Variants in ADAMTSL3 observed in about 807,000 individuals in gnomAD.
The protein encoded by ADAMTSL3 is ADAMTS like 3.
A neutral mutation model predicts 201.7 loss-of-function variants in ADAMTSL3; 128 were observed. The ratio of observed to expected loss-of-function variants is 0.63; its 90% CI spans 0.55 to 0.73. The LOEUF is 0.73. ADAMTSL3 is among the 30% of genes least tolerant of loss of function. ADAMTSL3 has a pLI of 0.00. For missense variants in ADAMTSL3, 1,990 were observed against 2,119.6 expected (o/e 0.94, Z 1.20); for synonymous variants, 738 against 748.4 (o/e 0.99, Z 0.23).
intron 3 of ADAMTSL3, among the ~76,000 whole-genome samples, chr15:83,713,211 C>G (rs960652336): frequency 6.6e-6 from 1 of 152,148 alleles, no homozygotes; most frequent in African/African-American, 2.4e-5. Flanking sequence ...TAAAGAAGAT[C>G]GATCAGCCAT....
At chr15:83,693,720 C>T (rs1031748420) in intron 2 of ADAMTSL3, among the ~76,000 whole-genome samples, 4 of 152,198 alleles carry the variant, frequency 2.6e-5, no homozygotes, top group African/African-American at 9.6e-5. Flanking sequence ...ATTTACTTCT[C>T]TATTATGTTT....
intron 4 of ADAMTSL3, among the ~76,000 whole-genome samples, chr15:83,795,525 G>A (rs1047620543): frequency 5.4e-4 from 82 of 152,032 alleles, no homozygotes; most frequent in Admixed American, 2.0e-4. Context: ...CTAAGATAAA[G>A]GCAAGACCCT....
chr15:83,854,423 A>G (rs1271483644), intron 7 of ADAMTSL3, among the ~76,000 whole-genome samples: 1 of 152,210 alleles, frequency 6.6e-6, no homozygotes, highest in African/African-American at 2.4e-5. Context: ...TGGATTGAAC[A>G]TTTGTGGCAG....
intron 2 of ADAMTSL3, among the ~76,000 whole-genome samples, chr15:83,703,646 G>C (rs1045501808): frequency 6.6e-6 from 1 of 152,176 alleles, no homozygotes; most frequent in Non-Finnish European, 1.5e-5. Context: ...CTCCTGCCAT[G>C]ATACTGAGGC....
At chr15:83,809,393 G>A (rs1372640449) in intron 5 of ADAMTSL3, among the ~76,000 whole-genome samples, 1 of 152,138 alleles carries the variant, frequency 6.6e-6, no homozygotes, top group East Asian at 1.9e-4. Context: ...TAGCACCCAA[G>A]CATCCTGTTA....
Position 83,704,442 on chromosome 15 carries a change from T to A in ADAMTSL3, c.123T>A (p.Ser41=), listed in dbSNP as rs751332166. Reference sequence around the variant, plus strand: ...ATTTCCTTCCCGAGTTTGCACTTTCTCCTCAGGGAAGTTTTCTGGAAGACA... The same window carrying A: ...ATTTCCTTCCCGAGTTTGCACTTTCACCTCAGGGAAGTTTTCTGGAAGACA... The part of the protein sequence containing the change: ...GAYFLPEFAL[S]PQGSFLEDTT... The change falls in exon 3 of 30, where the codon TCT becomes TCA. Residue 41 remains serine, a synonymous_variant. Transcript: ENST00000286744. 6.2e-7 allele frequency: 1 copy of A among 1,614,164 alleles called. No homozygotes were observed. Among genetic ancestry groups the A allele is most frequent in the Non-Finnish European group, 8.5e-7 (1 of 1,180,008 alleles).
chr15:83,726,421 C>T (rs1479443846), intron 3 of ADAMTSL3, among the ~76,000 whole-genome samples: 2 of 152,080 alleles, frequency 1.3e-5, no homozygotes, highest in Non-Finnish European at 1.5e-5. Context: ...CTAGTAATTC[C>T]AGTACTACGT....
chr15:83,691,806 G>C (rs2061612226), intron 2 of ADAMTSL3, among the ~76,000 whole-genome samples: 1 of 152,056 alleles, frequency 6.6e-6, no homozygotes, highest in Non-Finnish European at 1.5e-5. Flanking sequence ...GTAGAGACGG[G>C]TTTCACCACG....
intron 23 of ADAMTSL3, among the ~76,000 whole-genome samples, chr15:84,007,661 A>G (rs1367357644): frequency 6.6e-6 from 1 of 152,132 alleles, no homozygotes; most frequent in Non-Finnish European, 1.5e-5. Flanking sequence ...AGCAGATCAT[A>G]AAACATCATA....
chr15:83,964,763 C>A (rs910384132), intron 19 of ADAMTSL3, among the ~76,000 whole-genome samples: 1 of 152,162 alleles, frequency 6.6e-6, no homozygotes, highest in African/African-American at 2.4e-5. Flanking sequence ...ATGTTAAGGG[C>A]AGCCAGAGAG....
chr15:83,781,754 A>G (rs2063173051), intron 4 of ADAMTSL3, among the ~76,000 whole-genome samples: 1 of 152,238 alleles, frequency 6.6e-6, no homozygotes, highest in African/African-American at 2.4e-5. Flanking sequence ...ACTCCATTAA[A>G]AAGTGGGCAA....
chr15:83,859,718 G>C (rs993179837), intron 8 of ADAMTSL3, among the ~76,000 whole-genome samples: 1 of 152,142 alleles, frequency 6.6e-6, no homozygotes, highest in Non-Finnish European at 1.5e-5. Context: ...CAACTATTCT[G>C]TAGTGGGCAA....
rs528464093 is a variant in ADAMTSL3, at chr15:83,823,987, C to T, written c.600+3940C>T. Among the ~76,000 whole-genome samples, 1,294 of 143,964 alleles carry T rather than the reference C, an allele frequency of 9.0e-3. 25 individuals are homozygous for T. Among genetic ancestry groups the T allele is most frequent in the Middle Eastern group, 0.014 (4 of 284 alleles). The allele number at this position is 143,964 out of a possible 152,430, so 94.4% of individuals were successfully genotyped here. A position where few individuals can be genotyped will look rare whatever the true frequency, so the allele number is the denominator to read the frequency against. Reference sequence around the variant, plus strand: ...TTCTTCTTCTTCTCCTCCTCCTCCTCCTCCTTCTCCTTCTTCTTCCTCTTC... The same window carrying T: ...TTCTTCTTCTTCTCCTCCTCCTCCTTCTCCTTCTCCTTCTTCTTCCTCTTC... On this transcript the variant is annotated intron_variant, in intron 6 of 29. Transcript: ENST00000286744.
chr15:84,026,023 TA>T (rs2068298998), intron 27 of ADAMTSL3, among the ~76,000 whole-genome samples: 1 of 152,228 alleles, frequency 6.6e-6, no homozygotes, highest in African/African-American at 2.4e-5. Flanking sequence ...GAATTAAAGA[TA>T]ATTCTGGCAT....
At chr15:83,937,531 A>G (rs2066481827) in intron 17 of ADAMTSL3, among the ~76,000 whole-genome samples, 1 of 150,790 alleles carries the variant, frequency 6.6e-6, no homozygotes, top group Non-Finnish European at 1.5e-5. Context: ...TGGAGAAGGG[A>G]GAGGATTGAA....
chr15:83,694,717 G>T (rs1219337393), intron 2 of ADAMTSL3, among the ~76,000 whole-genome samples: 1 of 152,150 alleles, frequency 6.6e-6, no homozygotes, highest in East Asian at 1.9e-4. Context: ...ATGCTACTCA[G>T]CCAGAGCCTT....
Position 84,019,133 on chromosome 15 carries a change from A to C in ADAMTSL3, c.4274-2277A>C, listed in dbSNP as rs980565655. ...CACACACAGTGGGCAACAGACTTGAACAGACGTTTCACAAAAGATGATATA... is the reference window on the plus strand; with the variant it reads ...CACACACAGTGGGCAACAGACTTGACCAGACGTTTCACAAAAGATGATATA... On this transcript the variant is annotated intron_variant, in intron 25 of 29. Coordinates refer to ENST00000286744, the MANE Select transcript of ADAMTSL3 (RefSeq NM_207517.3). Among the ~76,000 whole-genome samples, 6 of 150,810 alleles carry C rather than the reference A, an allele frequency of 4.0e-5. No homozygotes were observed. The Middle Eastern group carries it at 0.017, about 427-fold the overall frequency.
At position 83,771,181 on chromosome 15, in the gene ADAMTSL3, T is replaced by A. The variant is rs570401021; in HGVS notation, c.190-2342T>A. 1.3e-3 allele frequency among the ~76,000 whole-genome samples: 196 copies of A among 151,760 alleles called. 2 individuals carry two copies. The highest frequency in any genetic ancestry group is 1.8e-3 in the Non-Finnish European group (124 of 67,852). On this transcript the variant is annotated intron_variant, in intron 3 of 29. Coordinates refer to ENST00000286744, the MANE Select transcript of ADAMTSL3 (RefSeq NM_207517.3). ...GTTTCTGGACTCTTTTTTTTTTTTT[T>A]TTTATTTTAATAGGTCCATTTGTTT...
Position 83,971,929 on chromosome 15 carries a change from G to GAT in ADAMTSL3, c.2644+1298_2644+1299dup, listed in dbSNP as rs1218479158. On this transcript the variant is annotated intron_variant, in intron 20 of 29. Coordinates refer to ENST00000286744, the MANE Select transcript of ADAMTSL3 (RefSeq NM_207517.3). Reference sequence around the variant, plus strand: ...TTTTATATATATGTTATATATATATGATATATAACATATATATAAAACTTC... The same window carrying GAT: ...TTTTATATATATGTTATATATATATGATATATATAACATATATATAAAACTTC... 3.4e-5 allele frequency among the ~76,000 whole-genome samples: 5 copies of GAT among 147,842 alleles called. No individual in the cohort carries two copies. In the East Asian group the frequency reaches 9.8e-4, roughly 29 times the overall value.
Sources: gnomAD v4.1 joint callset for allele counts (sites outside exome capture counted in the v4.1 genomes callset) on GRCh38, gnomAD v4.1.1 for gene constraint, MANE v1.5 for transcripts, NCBI Gene and HGNC (gene_info 2026-07-23, HGNC 2026-07-21) for gene names.